Variants in EYS observed in about 807,000 individuals in gnomAD.
EYS encodes EGF-like photoreceptor maintenance factor.
A neutral mutation model predicts 282.1 loss-of-function variants in EYS; 250 were observed. That is an observed-to-expected ratio of 0.89 (90% CI 0.80 to 0.98). The LOEUF (loss-of-function observed/expected upper bound fraction) is 0.98, where lower values mean the gene tolerates loss of function less well. EYS is among the 50% of genes least tolerant of loss of function. The pLI is 0.00. For synonymous variants in EYS, 1,355 were observed against 1,282.9 expected, an observed-to-expected ratio of 1.06 and a Z score of -1.20; for missense variants, 4,016 against 3,709.0, an observed-to-expected ratio of 1.08 and a Z score of -2.15.
intron 22 of EYS, among the ~76,000 whole-genome samples, chr6:64,737,049 C>A (rs917956914): frequency 6.6e-6 from 1 of 152,064 alleles, no homozygotes; most frequent in African/African-American, 2.4e-5. Context: ...TGTGAAGAAA[C>A]AATGTAATGT....
At chr6:64,600,992 C>T (rs1051847711) in intron 24 of EYS, among the ~76,000 whole-genome samples, 19 of 152,016 alleles carry the variant, frequency 1.2e-4, no homozygotes, top group Admixed American at 1.2e-3. Context: ...AAATACAAAG[C>T]ACAGTTTTTG....
intron 33 of EYS, among the ~76,000 whole-genome samples, chr6:64,048,425 G>A (rs1192007762): frequency 6.6e-6 from 1 of 152,050 alleles, no homozygotes; most frequent in Non-Finnish European, 1.5e-5. Context: ...TGTGGTATAT[G>A]AGGGAGGAAA....
At chr6:65,468,462 C>A (rs1765086982) in intron 5 of EYS, among the ~76,000 whole-genome samples, 1 of 152,086 alleles carries the variant, frequency 6.6e-6, no homozygotes, top group Non-Finnish European at 1.5e-5. Context: ...GGACTTACAA[C>A]ATAACAGCCA....
At chr6:64,457,084 T>C (rs1775580563) in intron 26 of EYS, among the ~76,000 whole-genome samples, 1 of 151,964 alleles carries the variant, frequency 6.6e-6, no homozygotes, top group Admixed American at 6.6e-5. Context: ...TTTTTGTTTG[T>C]CTTAAGAACA....
rs777627338 is a variant in EYS, at chr6:64,902,118, T to C, written c.2841A>G (p.Thr947=). 2 of 1,537,520 alleles carry C rather than the reference T, an allele frequency of 1.3e-6. No homozygotes were observed. The highest frequency in any genetic ancestry group is 4.9e-5 in the East Asian group (2 of 40,772). The change falls in exon 18 of 43, where the codon ACA becomes ACG. Residue 947 remains threonine (T), a synonymous_variant. Coordinates refer to ENST00000503581, the MANE Select transcript of EYS (RefSeq NM_001142800.2). ...CKNNGTCVDL[T]NRFFCNCEPE... Reference sequence around the variant, plus strand: ...AATAAAAAGTAGCTTCTCACCTGTTTGTCAGATCCACACATGTTCCATTAT... The same window carrying C: ...AATAAAAAGTAGCTTCTCACCTGTTCGTCAGATCCACACATGTTCCATTAT...
chr6:65,366,286 T>C (rs1764909908), intron 8 of EYS, among the ~76,000 whole-genome samples: 1 of 151,740 alleles, frequency 6.6e-6, no homozygotes, highest in East Asian at 1.9e-4. Context: ...CTGCTAAACG[T>C]GCCAACCATG....
chr6:64,709,126 G>T (rs912010446), intron 22 of EYS, among the ~76,000 whole-genome samples: 15 of 152,140 alleles, frequency 9.9e-5, no homozygotes, highest in African/African-American at 3.6e-4. Flanking sequence ...GAAAAATGAT[G>T]ACCAAATGGG....
intron 14 of EYS, among the ~76,000 whole-genome samples, chr6:64,981,393 C>T (rs1478134682): frequency 6.6e-6 from 1 of 151,152 alleles, no homozygotes; most frequent in East Asian, 2.0e-4. Flanking sequence ...TCATCAGCTG[C>T]CTCTATGCCT....
chr6:64,387,301 C>A (rs970900706), intron 29 of EYS, among the ~76,000 whole-genome samples: 1 of 152,022 alleles, frequency 6.6e-6, no homozygotes. Context: ...CAGAAGACAT[C>A]TTTTTCTATT....
intron 33 of EYS, among the ~76,000 whole-genome samples, chr6:64,003,166 A>G (rs889794664): frequency 2.0e-5 from 3 of 152,188 alleles, no homozygotes; most frequent in African/African-American, 7.2e-5. Context: ...AACAACATGG[A>G]TGGAACTGGA....
intron 26 of EYS, among the ~76,000 whole-genome samples, chr6:64,553,545 A>ATCCC (rs1765150929): frequency 2.2e-5 from 1 of 46,452 alleles, no homozygotes; most frequent in Non-Finnish European, 4.5e-5. Context: ...CTTTTGTTTG[A>ATCCC]CCCCCCCCCC....
intron 36 of EYS, among the ~76,000 whole-genome samples, chr6:63,842,629 A>T (rs772104344): frequency 6.6e-6 from 1 of 151,958 alleles, no homozygotes; most frequent in African/African-American, 2.4e-5. Context: ...CCATTTATCT[A>T]TTTTTGCTTT....
intron 22 of EYS, among the ~76,000 whole-genome samples, chr6:64,762,586 T>C (rs1358813387): frequency 2.6e-5 from 4 of 152,302 alleles, no homozygotes; most frequent in Admixed American, 2.6e-4. Flanking sequence ...TATTTCTTGC[T>C]TTCTCCACAC....
chr6:65,108,268 T>C (rs201426359), intron 12 of EYS, among the ~76,000 whole-genome samples: 1 of 151,204 alleles, frequency 6.6e-6, no homozygotes, highest in Non-Finnish European at 1.5e-5. Flanking sequence ...TTATTCTGTA[T>C]AGAATTTGAG....
At chr6:65,476,000 CT>C (rs777905728) in intron 5 of EYS, among the ~76,000 whole-genome samples, 36 of 152,012 alleles carry the variant, frequency 2.4e-4, no homozygotes, top group East Asian at 2.1e-3. Flanking sequence ...AGTATAACAC[CT>C]CTTAAGAGCA....
At chr6:64,380,274 T>C (rs372146453) in intron 29 of EYS, among the ~76,000 whole-genome samples, 1 of 152,254 alleles carries the variant, frequency 6.6e-6, no homozygotes, top group South Asian at 2.1e-4. Context: ...ATGTGTTAAT[T>C]TGTGTTTGGG....
intron 2 of EYS, among the ~76,000 whole-genome samples, chr6:65,560,094 T>C (rs1039615597): frequency 6.0e-5 from 9 of 149,654 alleles, no homozygotes; most frequent in African/African-American, 1.7e-4. Flanking sequence ...ACTCAAAACA[T>C]TGACAAACTA....
At chr6:63,985,145 T>C (rs896043305) in intron 34 of EYS, among the ~76,000 whole-genome samples, 5 of 151,676 alleles carry the variant, frequency 3.3e-5, no homozygotes, top group Admixed American at 6.6e-5. Context: ...TGGACATTTA[T>C]AAGGACTTTT....
At position 64,448,690 on chromosome 6, in the gene EYS, C is replaced by T. The variant is rs749700311; in HGVS notation, c.5645-9338G>A. ...AGGAACGATCAGGCAGCAGCATTTG[C>T]GGTTCACCAATATCCGCTGTTCTGC... is the stretch of plus-strand genomic sequence containing the variant. On this transcript the variant is annotated intron_variant, in intron 26 of 42. Transcript: ENST00000503581. 1.1e-4 allele frequency among the ~76,000 whole-genome samples: 16 copies of T among 152,256 alleles called. No homozygotes were observed. The East Asian group carries it at 1.6e-3, about 15-fold the overall frequency.
Sources: gnomAD v4.1 joint callset for allele counts (sites outside exome capture counted in the v4.1 genomes callset) on GRCh38, gnomAD v4.1.1 for gene constraint, MANE v1.5 for transcripts, NCBI Gene and HGNC (gene_info 2026-07-23, HGNC 2026-07-21) for gene names.